The following AFF3 variants were observed in gnomAD, a reference collection of about 807,000 sequenced individuals.
AFF3 encodes the protein ALF transcription elongation factor 3.
AFF3 carries 32 observed loss-of-function variants against 129.7 expected under a neutral mutation model. The observed-to-expected ratio is 0.25, with a 90% confidence interval of 0.19 to 0.33. The LOEUF is 0.33. Ranked by LOEUF, AFF3 falls within the 10% of genes least tolerant of loss-of-function variation. AFF3 has a pLI of 1.00. For missense variants in AFF3, 1,373 were observed against 1,592.0 expected (o/e 0.86, Z 2.34); for synonymous variants, 644 against 635.4 (o/e 1.01, Z -0.20).
chr2:100,050,901 G>A (rs1393950847), intron 4 of AFF3, among the ~76,000 whole-genome samples: 1 of 152,144 alleles, frequency 6.6e-6, no homozygotes, highest in Non-Finnish European at 1.5e-5. Context: ...AGCCAACAAG[G>A]GAACAGTCCC....
intron 1 of AFF3, among the ~76,000 whole-genome samples, chr2:100,131,272 G>C (rs914685693): frequency 2.0e-5 from 3 of 152,092 alleles, no homozygotes; most frequent in Non-Finnish European, 4.4e-5. Flanking sequence ...TGTGAGTGCA[G>C]TTTTCGTGGG....
intron 8 of AFF3, among the ~76,000 whole-genome samples, chr2:99,805,621 C>T (rs371761155): frequency 6.6e-6 from 1 of 152,232 alleles, no homozygotes; most frequent in East Asian, 1.9e-4. Context: ...ACACCACAGC[C>T]GAGTATGCTC....
chr2:99,593,200 G>A lies in AFF3; in HGVS notation c.2461C>T (p.Arg821Cys). The change falls in exon 15 of 25, where the codon CGC becomes TGC. Residue 821 changes from arginine (R) to cysteine (C), a missense_variant. Arg to Cys is a radical substitution (Grantham distance 180, BLOSUM62 -3). This residue lies in a region of AFF3 where 466 missense variants were observed against 505.0 expected (regional missense o/e 0.92). Transcript: ENST00000672756. ...EKALPKSKRK[R>C]KCDNEDDYRE... ...CCAGTCAGCCCCAGGCCTACCTTGC[G>A]TTTCCTCTTGGATTTTGGCAAAGCC... 2.5e-6 allele frequency: 4 copies of A among 1,576,734 alleles called. No homozygotes were observed. The highest frequency in any genetic ancestry group is 1.7e-4 in the Middle Eastern group (1 of 5,848).
chr2:99,963,116 G>C (rs1238073108), intron 7 of AFF3, among the ~76,000 whole-genome samples: 4 of 151,890 alleles, frequency 2.6e-5, no homozygotes, highest in African/African-American at 9.7e-5. Context: ...CAAAACCATG[G>C]TGGCCAGAAA....
chr2:99,692,992 C>T (rs1454884073), intron 11 of AFF3, among the ~76,000 whole-genome samples: 1 of 152,234 alleles, frequency 6.6e-6, no homozygotes, highest in Non-Finnish European at 1.5e-5. Flanking sequence ...ACTCCAGCCT[C>T]GCCCTCTGCA....
chr2:99,895,282 C>T (rs1693856746), intron 7 of AFF3, among the ~76,000 whole-genome samples: 1 of 152,234 alleles, frequency 6.6e-6, no homozygotes, highest in South Asian at 2.1e-4. Context: ...TGTCCAATCC[C>T]ACCAACAAGG....
intron 11 of AFF3, among the ~76,000 whole-genome samples, chr2:99,703,161 C>G (rs569299487): frequency 6.6e-6 from 1 of 152,164 alleles, no homozygotes; most frequent in African/African-American, 2.4e-5. Flanking sequence ...GGGCTGTGTT[C>G]CTTCTGAGGC....
At chr2:99,908,663 A>C (rs1306966290) in intron 7 of AFF3, among the ~76,000 whole-genome samples, 1 of 152,240 alleles carries the variant, frequency 6.6e-6, no homozygotes, top group Non-Finnish European at 1.5e-5. Context: ...AAGTGGACAA[A>C]GGATATAAAC....
intron 4 of AFF3, among the ~76,000 whole-genome samples, chr2:100,037,877 G>T (rs910450149): frequency 2.1e-5 from 3 of 143,092 alleles, no homozygotes; most frequent in Non-Finnish European, 4.5e-5. Flanking sequence ...ATATATGTGG[G>T]TGTGTATATA....
At chr2:99,916,397 A>G (rs921096874) in intron 7 of AFF3, among the ~76,000 whole-genome samples, 8 of 152,110 alleles carry the variant, frequency 5.3e-5, no homozygotes, top group Admixed American at 4.6e-4. Context: ...CCTCATCAGA[A>G]TTTGAGCCCT....
At chr2:99,992,933 G>C (rs191431715) in intron 7 of AFF3, among the ~76,000 whole-genome samples, 5 of 152,164 alleles carry the variant, frequency 3.3e-5, no homozygotes, top group African/African-American at 1.2e-4. Flanking sequence ...TGGCCAGTAC[G>C]GTGTGAGAAA....
At chr2:99,684,971 C>T (rs1368735950) in intron 11 of AFF3, among the ~76,000 whole-genome samples, 2 of 145,410 alleles carry the variant, frequency 1.4e-5, no homozygotes, top group Non-Finnish European at 3.0e-5. Flanking sequence ...CTGAGTCTTG[C>T]TTTATTGCCC....
chr2:99,714,488 A>C (rs1400378060), intron 11 of AFF3, among the ~76,000 whole-genome samples: 3 of 152,164 alleles, frequency 2.0e-5, no homozygotes, highest in Non-Finnish European at 4.4e-5. Context: ...TCATTTTCTT[A>C]GCTGAAATGA....
intron 11 of AFF3, among the ~76,000 whole-genome samples, chr2:99,721,942 C>A (rs2309725): frequency 0.55 from 84,304 of 152,008 alleles, 23,565 homozygotes; most frequent in East Asian, 0.67. Flanking sequence ...CTACAATTCA[C>A]TGAGGCTCTG....
At chr2:100,006,456 G>A (rs749340437) in intron 7 of AFF3, 176 bp downstream of exon 7, 7 of 739,970 alleles carry the variant, frequency 9.5e-6, no homozygotes, top group Non-Finnish European at 1.2e-5. Flanking sequence ...ATAAATTTGA[G>A]ATTTTAAGAA....
At chr2:99,996,197 A>G (rs1023152289) in intron 7 of AFF3, among the ~76,000 whole-genome samples, 6 of 152,230 alleles carry the variant, frequency 3.9e-5, no homozygotes, top group African/African-American at 1.4e-4. Flanking sequence ...ATGTTACCAA[A>G]AACTGTATAA....
At chr2:99,911,503 C>A (rs1695114959) in intron 7 of AFF3, among the ~76,000 whole-genome samples, 1 of 152,094 alleles carries the variant, frequency 6.6e-6, no homozygotes. Context: ...TGGAAAAATT[C>A]CAAGTAGGAA....
intron 22 of AFF3, among the ~76,000 whole-genome samples, chr2:99,556,719 C>T (rs1218290770): frequency 6.6e-6 from 1 of 151,942 alleles, no homozygotes; most frequent in East Asian, 1.9e-4. Context: ...GACAGGAGTT[C>T]GAGAAGGGTC....
chr2:100,078,507 C>T (rs1431976292), intron 4 of AFF3, among the ~76,000 whole-genome samples: 1 of 152,180 alleles, frequency 6.6e-6, no homozygotes, highest in South Asian at 2.1e-4. Flanking sequence ...GACCCAAGCA[C>T]ATACAATGTC....
Sources: allele counts gnomAD v4.1 joint callset (sites outside exome capture counted in the v4.1 genomes callset), GRCh38; gene constraint gnomAD v4.1.1; regional missense constraint gnomAD v4.1.1; transcripts MANE v1.5; gene names NCBI Gene and HGNC (gene_info 2026-07-23, HGNC 2026-07-21).